KMT2A: variants seen among roughly 807,000 people sequenced by gnomAD.
KMT2A encodes histone-lysine N-methyltransferase 2A.
A neutral mutation model predicts 345.3 loss-of-function variants in KMT2A; 16 were observed. The observed-to-expected ratio is 0.05, with a 90% CI of 0.03 to 0.07. KMT2A has a LOEUF of 0.07. KMT2A is among the 10% of genes least tolerant of loss of function. The probability of loss-of-function intolerance (pLI) is 1.00; values close to 1 mark genes in which losing one functional copy is unlikely to be tolerated. For missense variants in KMT2A, 3,272 were observed against 4,841.6 expected, an observed-to-expected ratio of 0.68 and a Z score of 9.62; for synonymous variants, 1,599 against 1,778.6, an observed-to-expected ratio of 0.90 and a Z score of 2.54.
rs557325720 is a variant in KMT2A at position 118,488,840 on chromosome 11, T to C, written c.4479+80T>C. 3.1e-4 allele frequency: 419 copies of C among 1,362,020 alleles called. No homozygotes were observed. In the African/African-American group the frequency reaches 5.4e-3, roughly 17 times the overall value. The allele number at this position is 1,362,020 out of a possible 1,614,324, so 84.4% of individuals were successfully genotyped here. A position where few individuals can be genotyped will look rare whatever the true frequency, so the allele number is the denominator to read the frequency against. ...ATCCCTGGACTCAACCAACCTTGGA[T>C]TGAATGTATCTGGGAAAAAATGAGT... is the stretch of plus-strand genomic sequence containing the variant. On this transcript the variant is annotated intron_variant, in intron 11 of 35. Transcript: ENST00000534358.
At position 118,473,322 on chromosome 11, in the gene KMT2A, A is replaced by C. The variant is rs1555036376; in HGVS notation, c.2163A>C (p.Arg721=). Residue 721 remains arginine, a synonymous_variant, in exon 3 of 36, where the codon CGA becomes CGC. Coordinates refer to ENST00000534358, the MANE Select transcript of KMT2A (RefSeq NM_001197104.2). The surrounding 1 kb of genome is among the most constrained non-coding windows in gnomAD (Gnocchi z 5.2). ...AGTCTGTAACCTTGCCTAGTAATCG[A>C]ACTTCTGCTGGAACATCTTCTTCAG... ...IFESVTLPSN[R]TSAGTSSSGV... is the part of the protein sequence containing the mutation. 1.2e-6 allele frequency: 2 copies of C among 1,613,802 alleles called. No homozygotes were observed. Among genetic ancestry groups the C allele is most frequent in the Non-Finnish European group, 1.7e-6 (2 of 1,179,990 alleles).
chr11:118,521,679 C>G lies in KMT2A; in HGVS notation c.11644-218C>G, dbSNP rs1279338064. Among the ~76,000 whole-genome samples, 1 of 152,184 alleles carries G rather than the reference C, an allele frequency of 6.6e-6. No homozygotes were observed. Among genetic ancestry groups the G allele is most frequent in the Non-Finnish European group, 1.5e-5 (1 of 68,036 alleles). ...AGCTATACAAGTTTTAGGTTTCTCT[C>G]TCCTGCAGAGACATTAGAAACCTCT... On this transcript the variant is annotated intron_variant, in intron 35 of 35. Transcript: ENST00000534358. The surrounding 1 kb of genome is among the most constrained non-coding windows in gnomAD (Gnocchi z 5.3).
At chr11:118,492,005 C>A (rs1322872755) in intron 15 of KMT2A, 77 bp downstream of exon 15, 11 of 989,282 alleles carry the variant, frequency 1.1e-5, no homozygotes, top group Non-Finnish European at 1.6e-5. Flanking sequence ...TGTTTTACTT[C>A]ATTCTCCTCA....
chr11:118,462,645 G>A (rs1490742355), intron 1 of KMT2A, among the ~76,000 whole-genome samples: 3 of 151,982 alleles, frequency 2.0e-5, no homozygotes, highest in Non-Finnish European at 4.4e-5. Context: ...TGCAGGCTCC[G>A]CCTCCCGGGT....
At chr11:118,488,854 G>GA (rs1316094779) in intron 11 of KMT2A, 94 bp downstream of exon 11, 14 of 1,129,484 alleles carry the variant, frequency 1.2e-5, no homozygotes, top group Admixed American at 4.9e-5. Flanking sequence ...ATGTATCTGG[G>GA]AAAAAATGAG....
intron 6 of KMT2A, among the ~76,000 whole-genome samples, chr11:118,480,914 G>C (rs1366111719): frequency 2.6e-5 from 4 of 151,934 alleles, no homozygotes; most frequent in African/African-American, 9.7e-5. Context: ...CAATCCTCTC[G>C]CCTTGGCCTC....
chr11:118,449,445 A>T (rs1307326442), intron 1 of KMT2A: 3 of 150,106 alleles, frequency 2.0e-5, no homozygotes, highest in Middle Eastern at 6.8e-3. Flanking sequence ...TTAGCCAAGC[A>T]TGGTGGCCTG....
rs782527192 is a variant in KMT2A, at chr11:118,473,427, G to A, written c.2268G>A (p.Arg756=). 21 of 1,614,066 alleles carry A rather than the reference G, an allele frequency of 1.3e-5. No individual in the cohort carries two copies. Among genetic ancestry groups the A allele is most frequent in the Non-Finnish European group, 1.7e-5 (20 of 1,180,022 alleles). The change falls in exon 3 of 36, where the codon AGG becomes AGA. Residue 756 remains arginine, a synonymous_variant. Transcript: ENST00000534358. The surrounding 1 kb of genome is among the most constrained non-coding windows in gnomAD (Gnocchi z 5.2). ...CAAGATCTCCTTCTCACTCCATGAGGACAAGAAGTGGAAGGCTTAGTAGTT... is the reference window on the plus strand; with the variant it reads ...CAAGATCTCCTTCTCACTCCATGAGAACAAGAAGTGGAAGGCTTAGTAGTT... ...SEPRSPSHSM[R]TRSGRLSSSE...
rs1555036917 is a variant in KMT2A, at chr11:118,474,282, G to C, written c.3123G>C (p.Lys1041Asn). Residue 1041 changes from lysine (K) to asparagine (N), a missense_variant, in exon 3 of 36, where the codon AAG becomes AAC. Lys to Asn is a moderately conservative substitution (Grantham distance 94, BLOSUM62 0). Coordinates refer to ENST00000534358, the MANE Select transcript of KMT2A (RefSeq NM_001197104.2). ...AGCTCTGCAAGATTGAGAAGAGTAA[G>C]AGTCTTAAACAAACCGACCAGCCCA... ...KAQLCKIEKS[K>N]SLKQTDQPKA... 6.2e-7 allele frequency: 1 copy of C among 1,614,078 alleles called. No homozygotes were observed. Among genetic ancestry groups the C allele is most frequent in the South Asian group, 1.1e-5 (1 of 91,080 alleles).
intron 2 of KMT2A, among the ~76,000 whole-genome samples, chr11:118,469,488 T>A (rs1426324301): frequency 2.0e-5 from 3 of 152,182 alleles, no homozygotes; most frequent in Admixed American, 6.5e-5. Context: ...AAATTAGCAA[T>A]ATTTGTCATT....
chr11:118,477,680 G>T (rs1302052912), intron 4 of KMT2A, among the ~76,000 whole-genome samples: 1 of 150,404 alleles, frequency 6.6e-6, no homozygotes, highest in Non-Finnish European at 1.5e-5. Context: ...GCTAATTTTT[G>T]TATTTTTAGT....
rs782263597 is a variant in KMT2A, at chr11:118,480,219, C to T, written c.3615C>T (p.Tyr1205=). 6.2e-7 allele frequency: 1 copy of T among 1,613,606 alleles called. No individual in the cohort carries two copies. Among genetic ancestry groups the T allele is most frequent in the East Asian group, 2.2e-5 (1 of 44,840 alleles). The change falls in exon 6 of 36, where the codon TAC becomes TAT. Residue 1205 remains tyrosine, a synonymous_variant. Coordinates refer to ENST00000534358, the MANE Select transcript of KMT2A (RefSeq NM_001197104.2). ...TACAATGGATGCCTTCCAAAGCCTA[C>T]CTGCAGAAGCAAGCTAAAGGTAGTG... ...QNLQWMPSKA[Y]LQKQAKAVKK...
At position 118,491,918 on chromosome 11, in the gene KMT2A, G is replaced by T. The variant is rs781823826; in HGVS notation, c.4994G>T (p.Arg1665Leu). 1 of 1,612,722 alleles carries T rather than the reference G, an allele frequency of 6.2e-7. No homozygotes were observed. The highest frequency in any genetic ancestry group is 1.1e-5 in the South Asian group (1 of 91,012). Residue 1665 changes from arginine (R) to leucine (L), a missense_variant, in exon 15 of 36, where the codon CGC becomes CTC. Transcript: ENST00000534358. This position sits in a 1 kb window ranked among gnomAD's most constrained non-coding sequence, Gnocchi z 4.2. Reference sequence around the variant, plus strand: ...TCTCGGACTACCAGCCATTTGCTACGCTACCGGCAGGTAGGCCAAGTCTCA... The same window carrying T: ...TCTCGGACTACCAGCCATTTGCTACTCTACCGGCAGGTAGGCCAAGTCTCA... Reference protein sequence around the residue: ...LNSRTTSHLLRYRQAAKPPDL... With the variant: ...LNSRTTSHLLLYRQAAKPPDL...
chr11:118,485,067 A>C (rs1950205743), intron 10 of KMT2A, 92 bp downstream of exon 10: 3 of 802,670 alleles, frequency 3.7e-6, no homozygotes, highest in Admixed American at 4.5e-5. Flanking sequence ...GGTATTTAGC[A>C]GGTACTATTC....
At chr11:118,457,858 C>G (rs746252390) in intron 1 of KMT2A, among the ~76,000 whole-genome samples, 4 of 152,020 alleles carry the variant, frequency 2.6e-5, no homozygotes, top group Non-Finnish European at 5.9e-5. Flanking sequence ...CTTCCTCTAG[C>G]ATAGCAGGCA....
At chr11:118,519,830 C>T (rs771062659) in intron 32 of KMT2A, 38 bp downstream of exon 32, 19 of 1,600,096 alleles carry the variant, frequency 1.2e-5, no homozygotes, top group Middle Eastern at 1.7e-4. Context: ...TTTTGGGTCT[C>T]GATTTTCTTA....
In KMT2A at chr11:118,473,967, TTCA is replaced by T. The variant is rs782205412; in HGVS notation, c.2812_2814del (p.Ser938del). ...AAAAAGCAACAGGGCGGAAGAAGTCTTCATCACATGATTCTGGGACTGATATTA... is the reference window on the plus strand; with the variant it reads ...AAAAAGCAACAGGGCGGAAGAAGTCTTCACATGATTCTGGGACTGATATTA... On this transcript the variant is annotated inframe_deletion, in exon 3 of 36. Transcript: ENST00000534358. This position sits in a 1 kb window ranked among gnomAD's most constrained non-coding sequence, Gnocchi z 5.2. The T allele has an allele frequency of 1.3e-5, 21 of 1,613,814 alleles. 2 individuals are homozygous for T. The South Asian group carries it at 1.8e-4, about 14-fold the overall frequency.
At chr11:118,519,436 T>C (rs1200364382) in intron 31 of KMT2A, 182 bp from the exon 32 acceptor site, 1 of 541,656 alleles carries the variant, frequency 1.8e-6, no homozygotes, top group Non-Finnish European at 3.3e-6. Context: ...ATTTTCCATA[T>C]TGATAGATCT....
intron 31 of KMT2A, 29 bp from the exon 32 acceptor site, chr11:118,519,589 C>A (rs1555052778): frequency 6.3e-7 from 1 of 1,599,396 alleles, no homozygotes; most frequent in Admixed American, 1.7e-5. Context: ...CTGCGCTCCT[C>A]ACTTCCCTGG....
Sources: gnomAD v4.1 joint callset for allele counts (sites outside exome capture counted in the v4.1 genomes callset) on GRCh38, gnomAD v4.1.1 for gene constraint, Gnocchi (gnomAD v3.1) non-coding constraint, MANE v1.5 for transcripts, NCBI Gene and HGNC (gene_info 2026-07-23, HGNC 2026-07-21) for gene names.